Variants in CDC14A observed in about 807,000 individuals in gnomAD.
CDC14A encodes dual specificity protein phosphatase CDC14A.
A neutral mutation model predicts 74.4 loss-of-function variants in CDC14A; 53 were observed. That is an observed-to-expected ratio of 0.71 (90% CI 0.57 to 0.89). The LOEUF is 0.89. CDC14A is among the 40% of genes least tolerant of loss of function. The pLI, the probability that CDC14A is intolerant of heterozygous loss-of-function variation, is 0.00. For missense variants in CDC14A, 646 were observed against 713.7 expected (o/e 0.91, Z 1.08); for synonymous variants, 247 against 258.4 (o/e 0.96, Z 0.43).
intron 10 of CDC14A, among the ~76,000 whole-genome samples, chr1:100,471,957 G>A (rs1668439250): frequency 6.6e-6 from 1 of 152,098 alleles, no homozygotes; most frequent in Non-Finnish European, 1.5e-5. Flanking sequence ...GTGGTACATG[G>A]AAAGCATTAC....
chr1:100,418,860 T>A (rs1390945187), intron 4 of CDC14A, among the ~76,000 whole-genome samples: 1 of 152,008 alleles, frequency 6.6e-6, no homozygotes, highest in African/African-American at 2.4e-5. Context: ...TGTTTCAGGC[T>A]CCCAAACCTG....
In CDC14A at chr1:100,353,872, T is replaced by C; in HGVS notation, c.140+20T>C. 1 of 1,465,894 alleles carries C rather than the reference T, an allele frequency of 6.8e-7. No individual in the cohort carries two copies. Among genetic ancestry groups the C allele is most frequent in the African/African-American group, 1.4e-5 (1 of 72,368 alleles). 90.8% of individuals were successfully genotyped at this position (1,465,894 alleles called of 1,614,324 possible). ...TGAAAAGTAAGTTTATGTTTTGTTT[T>C]TTTTTCTCTTGGCCATTCAGCTTGT... On this transcript the variant is annotated intron_variant, in intron 2 of 15. Coordinates refer to ENST00000336454, the MANE Select transcript of CDC14A (RefSeq NM_003672.4).
At chr1:100,373,808 T>TTTA (rs1654828256) in intron 2 of CDC14A, among the ~76,000 whole-genome samples, 1 of 152,038 alleles carries the variant, frequency 6.6e-6, no homozygotes, top group Non-Finnish European at 1.5e-5. Context: ...TTTCTTTTTT[T>TTTA]TTATTATTAT....
intron 4 of CDC14A, among the ~76,000 whole-genome samples, chr1:100,420,049 C>CATAT (rs1290878145): frequency 7.0e-5 from 1 of 14,250 alleles, no homozygotes; most frequent in African/African-American, 2.8e-4. Flanking sequence ...CACACACACA[C>CATAT]ACACACACAC....
chr1:100,353,765 G>T lies in CDC14A; in HGVS notation c.53G>T (p.Arg18Leu), dbSNP rs1570933623. 2.6e-6 allele frequency: 4 copies of T among 1,552,348 alleles called. No homozygotes were observed. The highest frequency in any genetic ancestry group is 3.5e-6 in the Non-Finnish European group (4 of 1,128,858). ...LIGACEFMKD[R>L]LYFATLRNRP... Reference sequence around the variant, plus strand: ...GTCTTTTAAACTTGTCTTTCAGATCGGTTATATTTTGCTACTTTAAGGAAT... The same window carrying T: ...GTCTTTTAAACTTGTCTTTCAGATCTGTTATATTTTGCTACTTTAAGGAAT... Residue 18 changes from arginine to leucine, a missense_variant, in exon 2 of 16, where the codon CGG (arginine) becomes CTG (leucine). Coordinates refer to ENST00000336454, the MANE Select transcript of CDC14A (RefSeq NM_003672.4).
At chr1:100,435,832 A>T (rs1365495469) in intron 5 of CDC14A, among the ~76,000 whole-genome samples, 1 of 144,496 alleles carries the variant, frequency 6.9e-6, no homozygotes, top group African/African-American at 2.9e-5. Flanking sequence ...CTAAAAAAAA[A>T]AAAAAAAAAA....
intron 5 of CDC14A, among the ~76,000 whole-genome samples, chr1:100,435,900 G>T (rs1172132840): frequency 6.6e-6 from 1 of 151,774 alleles, no homozygotes; most frequent in African/African-American, 2.4e-5. Flanking sequence ...AGTCCAAACC[G>T]GGTGGAAGCT....
chr1:100,393,456 A>G, intron 4 of CDC14A: 3 of 775,518 alleles, frequency 3.9e-6, no homozygotes, highest in Admixed American at 1.7e-5. Context: ...ATATCGTTTC[A>G]TACTGAGCAA....
chr1:100,376,037 C>G (rs1655199266), intron 2 of CDC14A, among the ~76,000 whole-genome samples: 1 of 152,114 alleles, frequency 6.6e-6, no homozygotes, highest in Non-Finnish European at 1.5e-5. Context: ...TCTGAGCAAA[C>G]TATCACAAGG....
chr1:100,437,865 AT>A (rs531836302), intron 5 of CDC14A, among the ~76,000 whole-genome samples: 29 of 147,596 alleles, frequency 2.0e-4, no homozygotes, highest in Middle Eastern at 3.5e-3. Context: ...ACATCTTGTA[AT>A]TTTTTTTTTT....
chr1:100,361,111 AAC>A lies in CDC14A; in HGVS notation c.140+7261_140+7262del, dbSNP rs1187057932. Among the ~76,000 whole-genome samples, 698 of 152,000 alleles carry A rather than the reference AAC, an allele frequency of 4.6e-3. 7 individuals carry two copies. The highest frequency in any genetic ancestry group is 0.016 in the African/African-American group (667 of 41,492). Reference sequence around the variant, plus strand: ...ACCCCTTTGTGCTTAAAAAAAAAAAAACAACAAAAAACAAAAAACAAAAAAAC... The same window carrying A: ...ACCCCTTTGTGCTTAAAAAAAAAAAAAACAAAAAACAAAAAACAAAAAAAC... On this transcript the variant is annotated intron_variant, in intron 2 of 15. Transcript: ENST00000336454.
chr1:100,426,726 T>C (rs976769576), intron 5 of CDC14A, among the ~76,000 whole-genome samples: 4 of 152,166 alleles, frequency 2.6e-5, no homozygotes, highest in Non-Finnish European at 5.9e-5. Flanking sequence ...TAGAATTTCT[T>C]TATGCACGTA....
chr1:100,352,367 G>A, upstream of CDC14A: 1 of 692,050 alleles, frequency 1.4e-6, no homozygotes, highest in Non-Finnish European at 1.8e-6. Flanking sequence ...GAGCGGGGCT[G>A]TCCCTTTAAG....
chr1:100,493,241 G>T (rs1379586857), intron 11 of CDC14A, among the ~76,000 whole-genome samples: 2 of 152,158 alleles, frequency 1.3e-5, no homozygotes, highest in African/African-American at 4.8e-5. Flanking sequence ...AACTGATTGT[G>T]GCAAGGATTC....
intron 2 of CDC14A, among the ~76,000 whole-genome samples, chr1:100,366,506 A>C (rs1653635563): frequency 6.6e-6 from 1 of 152,212 alleles, no homozygotes; most frequent in African/African-American, 2.4e-5. Flanking sequence ...TAAACTTCAT[A>C]AATCTGTGAG....
intron 7 of CDC14A, among the ~76,000 whole-genome samples, chr1:100,451,980 CT>C (rs1281558724): frequency 6.6e-5 from 10 of 152,248 alleles, no homozygotes; most frequent in African/African-American, 2.4e-4. Context: ...ATAATAAAGG[CT>C]CAGCAAATGT....
chr1:100,510,362 A>C (rs74104811), intron 15 of CDC14A, among the ~76,000 whole-genome samples: 2,016 of 152,352 alleles, frequency 0.013, 50 homozygotes, highest in African/African-American at 0.046. Flanking sequence ...CCAAGGTGTC[A>C]CAGTGATCTT....
At chr1:100,405,902 G>A (rs1659879673) in intron 4 of CDC14A, among the ~76,000 whole-genome samples, 1 of 152,146 alleles carries the variant, frequency 6.6e-6, no homozygotes, top group Non-Finnish European at 1.5e-5. Flanking sequence ...CCCAGTAATG[G>A]GATTCTGGGT....
At chr1:100,436,953 A>T (rs1381600186) in intron 5 of CDC14A, among the ~76,000 whole-genome samples, 1 of 152,026 alleles carries the variant, frequency 6.6e-6, no homozygotes, top group Non-Finnish European at 1.5e-5. Context: ...TGGGAGGCAG[A>T]GGTGGGTGTA....
Sources: gnomAD v4.1 joint callset for allele counts (sites outside exome capture counted in the v4.1 genomes callset) on GRCh38, gnomAD v4.1.1 for gene constraint, MANE v1.5 for transcripts, NCBI Gene and HGNC (gene_info 2026-07-23, HGNC 2026-07-21) for gene names.